KIF13A: variants seen among roughly 807,000 people sequenced by gnomAD.
KIF13A encodes the protein kinesin-like protein KIF13A.
In KIF13A, 79 loss-of-function variants were observed where a neutral mutation model predicts 212.2. The ratio of observed to expected loss-of-function variants is 0.37; its 90% confidence interval spans 0.31 to 0.45. The LOEUF (loss-of-function observed/expected upper bound fraction) is 0.45. Among genes scored for constraint, KIF13A ranks in the 20% least tolerant of loss-of-function variants. The probability of loss-of-function intolerance (pLI) is 1.00; values close to 1 mark genes in which losing one functional copy is unlikely to be tolerated. For missense variants in KIF13A, 1,901 were observed against 2,209.0 expected (o/e 0.86, Z 2.79); for synonymous variants, 789 against 808.6 (o/e 0.98, Z 0.41).
At chr6:17,848,316 T>C (rs533334412) in intron 9 of KIF13A, among the ~76,000 whole-genome samples, 1 of 152,254 alleles carries the variant, frequency 6.6e-6, no homozygotes, top group Admixed American at 6.5e-5. Context: ...TCAATTACAG[T>C]CACCCTACAG....
chr6:17,807,244 A>T (rs1233110466), intron 18 of KIF13A, among the ~76,000 whole-genome samples: 2 of 152,180 alleles, frequency 1.3e-5, no homozygotes, highest in Non-Finnish European at 2.9e-5. Context: ...AAAAAGAGCC[A>T]TATTTTTCTT....
At chr6:17,950,646 C>T (rs1209207559) in intron 2 of KIF13A, 5 of 985,100 alleles carry the variant, frequency 5.1e-6, no homozygotes, top group Non-Finnish European at 6.0e-6. Flanking sequence ...AACTATCTCT[C>T]AATCTGAGGA....
intron 2 of KIF13A, among the ~76,000 whole-genome samples, chr6:17,924,276 C>T (rs2150525480): frequency 6.6e-6 from 1 of 152,266 alleles, no homozygotes; most frequent in South Asian, 2.1e-4. Context: ...ATTTTCCTGA[C>T]ACTAATTACA....
At chr6:17,859,847 G>C (rs1323370061) in intron 4 of KIF13A, among the ~76,000 whole-genome samples, 1 of 151,872 alleles carries the variant, frequency 6.6e-6, no homozygotes, top group Non-Finnish European at 1.5e-5. Flanking sequence ...ATATTGGCCA[G>C]GCTGGTCTCG....
intron 9 of KIF13A, among the ~76,000 whole-genome samples, chr6:17,846,380 T>C (rs1254289196): frequency 1.3e-5 from 2 of 151,918 alleles, no homozygotes; most frequent in African/African-American, 2.4e-5. Context: ...TGTATGAAAA[T>C]GCTCTGAAAA....
chr6:17,866,743 T>C (rs1387057843), intron 4 of KIF13A, among the ~76,000 whole-genome samples: 2 of 150,274 alleles, frequency 1.3e-5, no homozygotes, highest in Non-Finnish European at 2.9e-5. Flanking sequence ...GGAACAAATG[T>C]GGACAAAGAA....
chr6:17,795,494 C>T (rs1007435974), intron 23 of KIF13A, among the ~76,000 whole-genome samples: 5 of 151,134 alleles, frequency 3.3e-5, no homozygotes, highest in Non-Finnish European at 5.9e-5. Context: ...ACTCAGGAGG[C>T]TGAGGCAGGA....
At chr6:17,824,915 G>A (rs1241929595) in intron 16 of KIF13A, among the ~76,000 whole-genome samples, 1 of 152,144 alleles carries the variant, frequency 6.6e-6, no homozygotes. Context: ...ATGAGAAGGA[G>A]AGGTTGGACT....
At chr6:17,884,641 T>C (rs1444743343) in intron 3 of KIF13A, among the ~76,000 whole-genome samples, 2 of 152,196 alleles carry the variant, frequency 1.3e-5, no homozygotes, top group African/African-American at 4.8e-5. Context: ...AGCGCCCAAA[T>C]CTAAAATCAA....
rs969218636 is a variant in KIF13A, at chr6:17,839,240, T to C, written c.831-1657A>G. Among the ~76,000 whole-genome samples the C allele has an allele frequency of 6.6e-5, 10 of 152,234 alleles. No individual in the cohort carries two copies. The highest frequency in any genetic ancestry group is 2.4e-4 in the African/African-American group (10 of 41,462). On this transcript the variant is annotated intron_variant, in intron 9 of 38. Coordinates refer to ENST00000259711, the MANE Select transcript of KIF13A (RefSeq NM_022113.6). This position sits in a 1 kb window ranked among gnomAD's most constrained non-coding sequence, Gnocchi z 4.3. ...GTAACAAAATTGCACTTGTACCCCA[T>C]ACATTTATCCACAAAAATGTACATC...
chr6:17,981,511 G>A (rs1013806890), intron 2 of KIF13A, among the ~76,000 whole-genome samples: 7 of 147,136 alleles, frequency 4.8e-5, no homozygotes, highest in South Asian at 2.2e-4. Flanking sequence ...TGCCACCTAC[G>A]CCTCCCGGGT....
At chr6:17,879,836 G>A (rs1770898794) in intron 3 of KIF13A, among the ~76,000 whole-genome samples, 1 of 152,144 alleles carries the variant, frequency 6.6e-6, no homozygotes, top group Non-Finnish European at 1.5e-5. Context: ...TACAAAAGGA[G>A]ACATGCTTTT....
rs1779774579 is a variant in KIF13A at position 17,971,178 on chromosome 6, C to T, written c.146+15876G>A. On this transcript the variant is annotated intron_variant, in intron 2 of 38. Transcript: ENST00000259711. The surrounding 1 kb of genome is among the most constrained non-coding windows in gnomAD (Gnocchi z 4.2). ...GAAGGACCCAAGATCCTCAGAACTC[C>T]AATAGCTGATGTACTATTAGACATC... Among the ~76,000 whole-genome samples the T allele has an allele frequency of 6.6e-6, 1 of 152,092 alleles. No individual in the cohort carries two copies. The highest frequency in any genetic ancestry group is 1.5e-5 in the Non-Finnish European group (1 of 68,024).
intron 38 of KIF13A, among the ~76,000 whole-genome samples, chr6:17,770,088 G>A (rs1423830847): frequency 6.6e-6 from 1 of 152,164 alleles, no homozygotes; most frequent in Non-Finnish European, 1.5e-5. Context: ...TCTGGATTAA[G>A]CTGCAGTTAG....
At chr6:17,986,321 C>T (rs1321189168) in intron 2 of KIF13A, among the ~76,000 whole-genome samples, 2 of 152,176 alleles carry the variant, frequency 1.3e-5, no homozygotes, top group African/African-American at 4.8e-5. Flanking sequence ...GGGGCGTTAA[C>T]CCATACTGTT....
intron 4 of KIF13A, among the ~76,000 whole-genome samples, chr6:17,861,212 A>T (rs1269134041): frequency 6.6e-6 from 1 of 152,208 alleles, no homozygotes; most frequent in Non-Finnish European, 1.5e-5. Flanking sequence ...AAAATTTTTC[A>T]TTCTCCATGT....
intron 23 of KIF13A, among the ~76,000 whole-genome samples, chr6:17,795,903 T>C (rs1383402557): frequency 6.6e-6 from 1 of 152,204 alleles, no homozygotes; most frequent in East Asian, 1.9e-4. Context: ...CTGTAGGCAT[T>C]ATAGTTTAAG....
At chr6:17,835,195 CAAAAAAAAAAAAAAAAAAAAAAAAAA>C (rs61697144) in intron 11 of KIF13A, among the ~76,000 whole-genome samples, 24 of 45,950 alleles carry the variant, frequency 5.2e-4, no homozygotes, top group East Asian at 1.9e-3. Flanking sequence ...CCGCCCCCGC[CAAAAAAAAAAAAAAAAAAAAAAAAAA>C]AAAAAAAAAA....
At position 17,961,433 on chromosome 6, in the gene KIF13A, T is replaced by C. The variant is rs1778806491; in HGVS notation, c.146+25621A>G. Among the ~76,000 whole-genome samples the C allele has an allele frequency of 6.6e-6, 1 of 152,218 alleles. No individual in the cohort carries two copies. Among genetic ancestry groups the C allele is most frequent in the Admixed American group, 6.5e-5 (1 of 15,286 alleles). On this transcript the variant is annotated intron_variant, in intron 2 of 38. Coordinates refer to ENST00000259711, the MANE Select transcript of KIF13A (RefSeq NM_022113.6). The surrounding 1 kb of genome is among the most constrained non-coding windows in gnomAD (Gnocchi z 4.1). ...AAATTGGCCCAACAAGCACCAAGCATATTGTAAGCCCTTTATATTCTCCCC... is the reference window on the plus strand; with the variant it reads ...AAATTGGCCCAACAAGCACCAAGCACATTGTAAGCCCTTTATATTCTCCCC...
Sources: allele counts gnomAD v4.1 joint callset (sites outside exome capture counted in the v4.1 genomes callset), GRCh38; gene constraint gnomAD v4.1.1; non-coding constraint Gnocchi (gnomAD v3.1); transcripts MANE v1.5; gene names NCBI Gene and HGNC (gene_info 2026-07-23, HGNC 2026-07-21).